The following ABCA5 variants were observed in gnomAD, a reference collection of about 807,000 sequenced individuals.
ABCA5 encodes the protein ATP binding cassette subfamily A member 5.
ABCA5 carries 163 observed loss-of-function variants against 206.0 expected under a neutral mutation model. The ratio of observed to expected loss-of-function variants is 0.79; its 90% CI spans 0.70 to 0.90. ABCA5 has a LOEUF of 0.90. Among genes scored for constraint, ABCA5 ranks in the 40% least tolerant of loss-of-function variants. The pLI, the probability that ABCA5 is intolerant of heterozygous loss-of-function variation, is 0.00. For synonymous variants in ABCA5, 609 were observed against 613.8 expected (o/e 0.99, Z 0.11); for missense variants, 1,859 against 1,912.9 (o/e 0.97, Z 0.53).
intron 28 of ABCA5, 132 bp downstream of exon 28, chr17:69,259,574 G>T (rs2075122497): frequency 1.8e-6 from 1 of 542,322 alleles, no homozygotes; most frequent in South Asian, 2.8e-5. Flanking sequence ...ATAGGGATAA[G>T]AAAGTGGCTG....
intron 23 of ABCA5, among the ~76,000 whole-genome samples, chr17:69,265,439 T>C (rs961376391): frequency 2.0e-5 from 3 of 152,140 alleles, no homozygotes; most frequent in Non-Finnish European, 4.4e-5. Flanking sequence ...AGCATATAAA[T>C]CTAAGGTGTT....
At position 69,308,351 on chromosome 17, in the gene ABCA5, A is replaced by G. The variant is rs1157911487; in HGVS notation, c.487T>C (p.Cys163Arg). The change falls in exon 5 of 39, where the codon TGT (cysteine) becomes CGT (arginine). Residue 163 changes from cysteine to arginine, a missense_variant. Physicochemically the swap from Cys to Arg is radical, Grantham distance 180. Transcript: ENST00000392676. ...GAGGACCAGTACTGAGCAGCCTCAC[A>G]TGATTTTGAACAGCCAGCTATGGGG... ...MDSRAGCSKS[C>R]EAAQYWSSGF... The G allele has an allele frequency of 2.5e-6, 4 of 1,611,664 alleles. No individual in the cohort carries two copies. Among genetic ancestry groups the G allele is most frequent in the South Asian group, 1.1e-5 (1 of 90,884 alleles).
chr17:69,318,774 C>CA, intron 1 of ABCA5: 1 of 682,228 alleles, frequency 1.5e-6, no homozygotes, highest in South Asian at 1.4e-5. Context: ...AATTGATGGA[C>CA]AAAAAGTTAT....
intron 13 of ABCA5, 43 bp from the exon 14 acceptor site, chr17:69,289,339 C>T (rs2075499062): frequency 7.2e-7 from 1 of 1,398,324 alleles, no homozygotes; most frequent in South Asian, 1.7e-5. Flanking sequence ...AAAAATCATA[C>T]CATTTATATA....
intron 34 of ABCA5, among the ~76,000 whole-genome samples, chr17:69,252,247 C>T (rs2075023577): frequency 6.6e-6 from 1 of 151,958 alleles, no homozygotes; most frequent in Non-Finnish European, 1.5e-5. Flanking sequence ...ATCTCCTGAC[C>T]TCGTGGTCTG....
At chr17:69,256,355 A>T in intron 28 of ABCA5, 72 bp from the exon 29 acceptor site, 1 of 1,025,016 alleles carries the variant, frequency 9.8e-7, no homozygotes, top group Non-Finnish European at 1.3e-6. Context: ...TTCAGATACT[A>T]GGTAGAGAAA....
In ABCA5 at chr17:69,294,027, T is replaced by C. The variant is rs572232809; in HGVS notation, c.1495+628A>G. ...CAGTAGTGCTGAGGTTGAAAAACCCTACGATAGGCCAAATGAATTTTTCAA... is the reference window on the plus strand; with the variant it reads ...CAGTAGTGCTGAGGTTGAAAAACCCCACGATAGGCCAAATGAATTTTTCAA... On this transcript the variant is annotated intron_variant, in intron 11 of 38. Coordinates refer to ENST00000392676, the MANE Select transcript of ABCA5 (RefSeq NM_172232.4). Among the ~76,000 whole-genome samples the C allele has an allele frequency of 2.1e-3, 315 of 152,258 alleles. 1 individual carries two copies. The highest frequency in any genetic ancestry group is 3.0e-3 in the Non-Finnish European group (207 of 68,012).
intron 34 of ABCA5, among the ~76,000 whole-genome samples, chr17:69,252,899 C>T (rs1429588049): frequency 6.7e-6 from 1 of 149,690 alleles, no homozygotes; most frequent in Non-Finnish European, 1.5e-5. Context: ...TGCATAATGA[C>T]ATTTCAGTCA....
intron 37 of ABCA5, 91 bp downstream of exon 37, chr17:69,249,814 C>T: frequency 6.9e-7 from 1 of 1,447,636 alleles, no homozygotes; most frequent in Non-Finnish European, 9.3e-7. Flanking sequence ...TTTTCAACTA[C>T]TTACCTTCTT....
intron 24 of ABCA5, among the ~76,000 whole-genome samples, chr17:69,262,715 G>C (rs1047621584): frequency 1.3e-5 from 2 of 152,236 alleles, no homozygotes; most frequent in African/African-American, 2.4e-5. Context: ...CTTTTTGGTA[G>C]AATGATTTAT....
chr17:69,295,982 C>T (rs772064339), intron 10 of ABCA5, among the ~76,000 whole-genome samples: 17 of 152,104 alleles, frequency 1.1e-4, no homozygotes, highest in Non-Finnish European at 2.1e-4. Flanking sequence ...GTATTCCTTT[C>T]CATTGTAAGC....
rs773152724 is a variant in ABCA5, at chr17:69,277,849, G to A, written c.2393-7C>T. The A allele has an allele frequency of 8.7e-6, 13 of 1,486,010 alleles. No homozygotes were observed. In the African/African-American group the frequency reaches 1.4e-4, roughly 16 times the overall value. 92.1% of individuals were successfully genotyped at this position (1,486,010 alleles called of 1,614,324 possible). The stretch of plus-strand genomic sequence containing the variant: ...TGAGTAAATACACTATAATCTATTT[G>A]CCAAAACAAAACAAACATTTCAGTA... On this transcript the variant is annotated splice_polypyrimidine_tract_variant and splice_region_variant and intron_variant, in intron 18 of 38. Transcript: ENST00000392676.
At position 69,297,311 on chromosome 17, in the gene ABCA5, T is replaced by C. The variant is rs759553852; in HGVS notation, c.1316A>G (p.Tyr439Cys). Residue 439 changes from tyrosine (Y) to cysteine (C), a missense_variant, in exon 10 of 39, where the codon TAT (tyrosine) becomes TGT (cysteine). Tyr to Cys is a radical substitution (Grantham distance 194). Coordinates refer to ENST00000392676, the MANE Select transcript of ABCA5 (RefSeq NM_172232.4). The part of the protein sequence containing the change: ...RSSLYFLKPS[Y>C]WSKSKRNYEE... ...ATAATTTCTTTTGCTCTTTGACCAA[T>C]ATGAAGGCTTCAGAAAATATAAAGA... 1 of 1,610,902 alleles carries C rather than the reference T, an allele frequency of 6.2e-7. No individual in the cohort carries two copies. Among genetic ancestry groups the C allele is most frequent in the South Asian group, 1.1e-5 (1 of 90,036 alleles).
chr17:69,282,620 C>T (rs574558392), intron 18 of ABCA5, among the ~76,000 whole-genome samples: 124 of 150,914 alleles, frequency 8.2e-4, no homozygotes, highest in African/African-American at 2.9e-3. Flanking sequence ...AATACAACAA[C>T]TAGCTGGGCG....
At chr17:69,309,504 TGAATG>T (rs1337914885) in intron 3 of ABCA5, 81 bp from the exon 4 acceptor site, 7 of 1,030,818 alleles carry the variant, frequency 6.8e-6, no homozygotes, top group Non-Finnish European at 9.4e-6. Context: ...ATTATTTTGA[TGAATG>T]GAATATTTTA....
chr17:69,283,088 G>A (rs2075413402), intron 18 of ABCA5, among the ~76,000 whole-genome samples: 1 of 150,048 alleles, frequency 6.7e-6, no homozygotes, highest in Non-Finnish European at 1.5e-5. Flanking sequence ...CTGGCCTCAG[G>A]TGATTCTCCC....
chr17:69,284,608 A>G (rs931782245), intron 17 of ABCA5, among the ~76,000 whole-genome samples: 1 of 152,158 alleles, frequency 6.6e-6, no homozygotes, highest in African/African-American at 2.4e-5. Flanking sequence ...ACACAATTTT[A>G]TTTTTAAAAA....
Position 69,277,855 on chromosome 17 carries a change from ACAAAACAAACATTTCAG to A in ABCA5, c.2393-30_2393-14del. The A allele has an allele frequency of 6.8e-7, 1 of 1,481,024 alleles. No homozygotes were observed. The highest frequency in any genetic ancestry group is 2.5e-5 in the Admixed American group (1 of 40,060). The allele number at this position is 1,481,024 out of a possible 1,614,324, so 91.7% of individuals were successfully genotyped here. On this transcript the variant is annotated splice_polypyrimidine_tract_variant and intron_variant, in intron 18 of 38. Coordinates refer to ENST00000392676, the MANE Select transcript of ABCA5 (RefSeq NM_172232.4). Reference sequence around the variant, plus strand: ...AATACACTATAATCTATTTGCCAAAACAAAACAAACATTTCAGTATGTTCATTAAAAAAGATACAAAC... The same window carrying A: ...AATACACTATAATCTATTTGCCAAAATATGTTCATTAAAAAAGATACAAAC...
intron 12 of ABCA5, 83 bp downstream of exon 12, chr17:69,291,133 G>C (rs2075521665): frequency 1.3e-6 from 1 of 743,678 alleles, no homozygotes; most frequent in African/African-American, 1.8e-5. Flanking sequence ...TACAGAAGTT[G>C]GTCCCATTGA....
Sources: gnomAD v4.1 joint callset for allele counts (sites outside exome capture counted in the v4.1 genomes callset) on GRCh38, gnomAD v4.1.1 for gene constraint, MANE v1.5 for transcripts, NCBI Gene and HGNC (gene_info 2026-07-23, HGNC 2026-07-21) for gene names.